Variants in NBPF12 observed in about 807,000 individuals in gnomAD.
NBPF12 encodes the protein NBPF member 12, also known as NBPF family member NBPF12.
Under a neutral mutation model 146.4 loss-of-function variants are expected in NBPF12, and 115 were observed. The observed-to-expected ratio is 0.79, with a 90% CI of 0.68 to 0.92. The LOEUF is 0.92. Among genes scored for constraint, NBPF12 ranks in the 40% least tolerant of loss-of-function variants. The pLI, the probability that NBPF12 is intolerant of heterozygous loss-of-function variation, is 0.00. For missense variants in NBPF12, 1,205 were observed against 1,326.8 expected, an observed-to-expected ratio of 0.91 and a Z score of 1.43; for synonymous variants, 385 against 508.9, an observed-to-expected ratio of 0.76 and a Z score of 3.28.
At chr1:146,965,047 G>A in exon 8 of NBPF12, 1 of 1,608,328 alleles carries the variant, frequency 6.2e-7, no homozygotes, top group Non-Finnish European at 8.5e-7. Context: ...CTCAACTGTG[G>A]TTGTAGACAG....
Position 146,952,528 on chromosome 1 carries a change from G to A in NBPF12, c.-184+1039G>A, listed in dbSNP as rs1655368825. Among the ~76,000 whole-genome samples the A allele has an allele frequency of 3.3e-5, 5 of 151,164 alleles. No individual in the cohort carries two copies. In the South Asian group the frequency reaches 1.1e-3, roughly 32 times the overall value. On this transcript the variant is annotated intron_variant, in intron 2 of 33. Coordinates refer to ENST00000617844, the Ensembl canonical transcript of NBPF12. ...CAACAGTTGAAAATAACAATATCTT[G>A]ACTCCTGGTTGAGTGCTTTATGCTG...
chr1:146,972,887 G>A, exon 14 of NBPF12: 2 of 1,090,022 alleles, frequency 1.8e-6, no homozygotes, highest in Non-Finnish European at 1.4e-6. Flanking sequence ...AGAAACAGCA[G>A]TTCAGAAGCC....
chr1:146,939,337 G>C (rs1224272444), intron 1 of NBPF12, among the ~76,000 whole-genome samples: 2 of 152,046 alleles, frequency 1.3e-5, no homozygotes, highest in Non-Finnish European at 2.9e-5. Context: ...CGTTCCTTCT[G>C]GGAACTTGGG....
intron 13 of NBPF12, among the ~76,000 whole-genome samples, chr1:146,971,829 C>G (rs1361548206): frequency 6.7e-6 from 1 of 150,286 alleles, no homozygotes; most frequent in Non-Finnish European, 1.5e-5. Flanking sequence ...CATGTAATCC[C>G]AGCACTTTGG....
In NBPF12 at chr1:146,977,282, T is replaced by C. The variant is rs1185019923; in HGVS notation, c.2193-184T>C. Reference sequence around the variant, plus strand: ...AGCAGCTGCTCTCTTCCTCTCTGGTTCCCATGGCAGCCGTGCTCTGTTGCA... The same window carrying C: ...AGCAGCTGCTCTCTTCCTCTCTGGTCCCCATGGCAGCCGTGCTCTGTTGCA... On this transcript the variant is annotated intron_variant, in intron 17 of 33. Coordinates refer to ENST00000617844, the Ensembl canonical transcript of NBPF12. Among the ~76,000 whole-genome samples the C allele has an allele frequency of 1.6e-4, 23 of 148,170 alleles. 1 individual carries two copies. Among genetic ancestry groups the C allele is most frequent in the African/African-American group, 5.6e-4 (22 of 38,942 alleles).
At chr1:146,969,548 G>C (rs1201830276) in exon 11 of NBPF12, 6 of 1,594,854 alleles carry the variant, frequency 3.8e-6, no homozygotes, top group Admixed American at 1.7e-5. Flanking sequence ...AGAACAGCTG[G>C]CTGAGGGGTG....
At chr1:146,976,660 G>T (rs1216907556) in intron 16 of NBPF12, among the ~76,000 whole-genome samples, 1,939 of 151,660 alleles carry the variant, frequency 0.013, 79 homozygotes, top group African/African-American at 0.045. Context: ...AAAGTCCAGA[G>T]AGAGGCTGCA....
intron 17 of NBPF12, 126 bp downstream of exon 20, chr1:146,977,127 A>T: frequency 5.9e-6 from 5 of 840,740 alleles, no homozygotes; most frequent in East Asian, 2.4e-5. Flanking sequence ...TATGTGAAAT[A>T]TAACCCAGCT....
intron 23 of NBPF12, among the ~76,000 whole-genome samples, chr1:146,986,128 C>T (rs1657743253): frequency 6.6e-6 from 1 of 151,594 alleles, no homozygotes; most frequent in Non-Finnish European, 1.5e-5. Context: ...ATTCGCTGAG[C>T]TCACTTTCTC....
intron 25 of NBPF12, among the ~76,000 whole-genome samples, 193 bp from the exon 29 acceptor site, chr1:146,987,757 GTGTC>G (rs1553888845): frequency 1.3e-5 from 2 of 151,300 alleles, no homozygotes; most frequent in African/African-American, 2.4e-5. Flanking sequence ...GTGTGTGTGT[GTGTC>G]TGTCTTTCTC....
chr1:146,987,755 G>GTGTGTGTGTGTGTC (rs1657879866), intron 25 of NBPF12, among the ~76,000 whole-genome samples, 199 bp from the exon 29 acceptor site: 2 of 151,740 alleles, frequency 1.3e-5, no homozygotes, highest in African/African-American at 4.9e-5. Context: ...GTGTGTGTGT[G>GTGTGTGTGTGTGTC]TGTGTCTGTC....
At chr1:146,939,983 TAA>T (rs1260075296) in intron 1 of NBPF12, among the ~76,000 whole-genome samples, 578 of 138,874 alleles carry the variant, frequency 4.2e-3, no homozygotes, top group Middle Eastern at 0.011. Context: ...AGACTCCCTC[TAA>T]AAAAAAAAAA....
rs1346722031 is a variant in NBPF12, at chr1:146,977,083, G to T, written c.2192+82G>T. 26 of 625,474 alleles carry T rather than the reference G, an allele frequency of 4.2e-5. No individual in the cohort carries two copies. In the East Asian group the frequency reaches 6.2e-4, roughly 15 times the overall value. 38.7% of individuals were successfully genotyped at this position (625,474 alleles called of 1,614,324 possible). A position where few individuals can be genotyped will look rare whatever the true frequency, so the allele number is the denominator to read the frequency against. ...GAGGCACACCCTCTCTGGCATGTAT[G>T]ATGGGCCAAAAACCCGCATTCGCTT... On this transcript the variant is annotated intron_variant, in intron 17 of 33. Coordinates refer to ENST00000617844, the Ensembl canonical transcript of NBPF12.
chr1:146,976,699 G>T (rs1183948306), intron 16 of NBPF12, among the ~76,000 whole-genome samples: 1 of 151,780 alleles, frequency 6.6e-6, no homozygotes, highest in Non-Finnish European at 1.5e-5. Context: ...GGAAGCAAAA[G>T]ATCTTTTCAG....
At chr1:146,961,271 C>T (rs1344777516) in intron 4 of NBPF12, among the ~76,000 whole-genome samples, 4 of 151,734 alleles carry the variant, frequency 2.6e-5, no homozygotes, top group African/African-American at 9.7e-5. Context: ...AAAGATCACA[C>T]CCGAGAATGT....
At chr1:146,977,920 G>A (rs1187527490) in intron 18 of NBPF12, among the ~76,000 whole-genome samples, 1 of 152,024 alleles carries the variant, frequency 6.6e-6, no homozygotes, top group African/African-American at 2.4e-5. Flanking sequence ...AGGTGCACAG[G>A]CAGTATCTGT....
In NBPF12 at chr1:146,960,317, C is replaced by G; in HGVS notation, c.174C>G (p.Tyr58Ter). 3 of 1,413,452 alleles carry G rather than the reference C, an allele frequency of 2.1e-6. No homozygotes were observed. In the South Asian group the frequency reaches 3.5e-5, roughly 16 times the overall value. 87.6% of individuals were successfully genotyped at this position (1,413,452 alleles called of 1,614,324 possible). ...TCCTGGCCAACCGACAGAAGAAATACAGTAAGATCTATAGGCTCACCATCA... is the reference window on the plus strand; with the variant it reads ...TCCTGGCCAACCGACAGAAGAAATAGAGTAAGATCTATAGGCTCACCATCA... The change falls in exon 4 of 34, where the codon TAC becomes TAG. Residue 58 changes from tyrosine to a stop codon, truncating the protein, a stop_gained and splice_region_variant. Coordinates refer to ENST00000617844, the Ensembl canonical transcript of NBPF12. LOFTEE classifies it high-confidence loss of function.
chr1:146,956,121 G>A (rs1219558003), intron 2 of NBPF12, among the ~76,000 whole-genome samples: 2 of 151,744 alleles, frequency 1.3e-5, no homozygotes, highest in Non-Finnish European at 2.9e-5. Flanking sequence ...GCCCAAACGC[G>A]GAATGATAGA....
intron 19 of NBPF12, among the ~76,000 whole-genome samples, chr1:146,981,726 A>G (rs1657410604): frequency 6.6e-6 from 1 of 151,806 alleles, no homozygotes. Context: ...ACATAGTCCC[A>G]TATTTATTGG....
Sources: allele counts gnomAD v4.1 joint callset (sites outside exome capture counted in the v4.1 genomes callset), GRCh38; gene constraint gnomAD v4.1.1; transcripts MANE v1.5; gene names NCBI Gene and HGNC (gene_info 2026-07-23, HGNC 2026-07-21).